RASSF8: variants seen among roughly 807,000 people sequenced by gnomAD.
RASSF8 encodes ras association domain-containing protein 8.
RASSF8 carries 22 observed loss-of-function variants against 48.5 expected under a neutral mutation model. That is an observed-to-expected ratio of 0.45 (90% confidence interval 0.32 to 0.65). The LOEUF is 0.65. Among genes scored for constraint, RASSF8 ranks in the 30% least tolerant of loss-of-function variants. RASSF8 has a pLI of 0.03. For synonymous variants in RASSF8, 127 were observed against 171.5 expected (o/e 0.74, Z 2.03); for missense variants, 418 against 489.2 (o/e 0.85, Z 1.37).
At chr12:26,054,937 A>G (rs184378378) in intron 2 of RASSF8, among the ~76,000 whole-genome samples, 19 of 152,314 alleles carry the variant, frequency 1.2e-4, no homozygotes, top group Admixed American at 1.2e-3. Context: ...AAAAAGAAAA[A>G]AAACAGGACA....
At chr12:25,984,322 T>C (rs1163596318) in intron 1 of RASSF8, among the ~76,000 whole-genome samples, 1 of 145,080 alleles carries the variant, frequency 6.9e-6, no homozygotes, top group African/African-American at 2.5e-5. Context: ...CAAGCCATCC[T>C]CCTGCTTCAG....
intron 1 of RASSF8, among the ~76,000 whole-genome samples, chr12:25,972,673 CAG>C (rs1369698884): frequency 1.3e-5 from 2 of 152,076 alleles, no homozygotes; most frequent in African/African-American, 4.8e-5. Flanking sequence ...TTTTTAAAAA[CAG>C]TAATACCAAA....
intron 3 of RASSF8, among the ~76,000 whole-genome samples, chr12:26,058,523 T>A (rs921771149): frequency 1.6e-4 from 17 of 105,688 alleles, no homozygotes; most frequent in Non-Finnish European, 2.5e-4. Context: ...ACTACACACA[T>A]GCGCACGCGC....
Position 26,055,439 on chromosome 12 carries a change from A to G in RASSF8, c.96A>G (p.Gln32=). 1 of 1,612,930 alleles carries G rather than the reference A, an allele frequency of 6.2e-7. No individual in the cohort carries two copies. The highest frequency in any genetic ancestry group is 8.5e-7 in the Non-Finnish European group (1 of 1,178,872). The part of the protein sequence containing the change: ...TCQEVVIALA[Q]AIGRTGRYTL... ...AGGAGGTTGTCATAGCCTTAGCTCA[A>G]GCAATAGGTGAGTGAACTCTGTGGG... The change falls in exon 3 of 6, where the codon CAA becomes CAG. Residue 32 remains glutamine, a synonymous_variant. Coordinates refer to ENST00000689635, the MANE Select transcript of RASSF8 (RefSeq NM_001394098.1).
At chr12:25,973,776 G>A (rs1276413500) in intron 1 of RASSF8, 2 of 152,182 alleles carry the variant, frequency 1.3e-5, no homozygotes, top group Non-Finnish European at 2.9e-5. Context: ...CAGCAAGAAG[G>A]TGCCATCCGT....
intron 1 of RASSF8, among the ~76,000 whole-genome samples, chr12:25,964,777 G>A (rs985500754): frequency 1.3e-5 from 2 of 152,140 alleles, no homozygotes; most frequent in Non-Finnish European, 2.9e-5. Flanking sequence ...GTGAGAAATA[G>A]GGATGTTTTG....
chr12:26,077,077 CTGCT>C (rs1944079281), downstream of RASSF8, among the ~76,000 whole-genome samples: 1 of 152,156 alleles, frequency 6.6e-6, no homozygotes, highest in Non-Finnish European at 1.5e-5. Context: ...TGAGAAGTGT[CTGCT>C]CATATCCTTT....
intron 1 of RASSF8, among the ~76,000 whole-genome samples, chr12:25,967,450 C>T (rs1941385994): frequency 1.3e-5 from 2 of 152,106 alleles, no homozygotes. Context: ...AGATCATTCA[C>T]TTAATTTTAA....
At chr12:25,996,680 AAG>A (rs1443801335) in intron 2 of RASSF8, among the ~76,000 whole-genome samples, 13 of 152,204 alleles carry the variant, frequency 8.5e-5, no homozygotes. Flanking sequence ...TTACAGTACA[AAG>A]AGACGCCTTT....
intron 1 of RASSF8, among the ~76,000 whole-genome samples, chr12:25,984,224 CTTTTT>C (rs57275940): frequency 2.3e-5 from 2 of 86,734 alleles, no homozygotes; most frequent in African/African-American, 9.0e-5. Flanking sequence ...CTACACGTAG[CTTTTT>C]TTTTTTTTTT....
intron 2 of RASSF8, among the ~76,000 whole-genome samples, chr12:26,002,125 A>G (rs1406802076): frequency 1.3e-5 from 2 of 152,252 alleles, no homozygotes; most frequent in Non-Finnish European, 2.9e-5. Context: ...CATAGTATAT[A>G]ATTACAATAT....
In RASSF8 at chr12:26,069,088, T is replaced by C; in HGVS notation, c.*270T>C. The C allele has an allele frequency of 6.2e-6, 7 of 1,125,176 alleles. No homozygotes were observed. The highest frequency in any genetic ancestry group is 7.6e-6 in the Non-Finnish European group (7 of 915,204). The allele number at this position is 1,125,176 out of a possible 1,614,324, so 69.7% of individuals were successfully genotyped here. ...TTTATTTGTAGCATTTTGAGAGCTT[T>C]AGGAAAGTATTATATAGTGTGTATA... is the stretch of plus-strand genomic sequence containing the variant. On this transcript the variant is annotated 3_prime_UTR_variant, in exon 6 of 6. Transcript: ENST00000689635.
intron 1 of RASSF8, among the ~76,000 whole-genome samples, chr12:25,985,435 T>G (rs961103194): frequency 6.6e-6 from 1 of 152,182 alleles, no homozygotes; most frequent in African/African-American, 2.4e-5. Flanking sequence ...TTTAGTTTGG[T>G]GCCTTTCAGA....
In RASSF8 at chr12:26,071,001, A is replaced by G. The variant is rs549761264; in HGVS notation, c.*2183A>G. 1.6e-5 allele frequency: 16 copies of G among 985,212 alleles called. 1 individual carries two copies. In the East Asian group the frequency reaches 1.6e-3, roughly 98 times the overall value. The allele number at this position is 985,212 out of a possible 1,614,324, so 61.0% of individuals were successfully genotyped here. On this transcript the variant is annotated 3_prime_UTR_variant, in exon 6 of 6. Coordinates refer to ENST00000689635, the MANE Select transcript of RASSF8 (RefSeq NM_001394098.1). Reference sequence around the variant, plus strand: ...AGTATCACAGTTAACCTCTCTGACAACTTCATCAGAATTTCCAAGCTGCCA... The same window carrying G: ...AGTATCACAGTTAACCTCTCTGACAGCTTCATCAGAATTTCCAAGCTGCCA...
intron 1 of RASSF8, among the ~76,000 whole-genome samples, chr12:25,981,445 TG>T (rs1026497138): frequency 1.3e-5 from 2 of 152,128 alleles, no homozygotes. Flanking sequence ...GTTGTGCAGT[TG>T]GGGGTTCTGA....
At chr12:26,045,214 A>T (rs938231562) in intron 2 of RASSF8, among the ~76,000 whole-genome samples, 2 of 152,150 alleles carry the variant, frequency 1.3e-5, no homozygotes, top group African/African-American at 4.8e-5. Context: ...ACTCATAGGG[A>T]TCATGCATGA....
At chr12:26,026,042 CTT>C (rs1942905766) in intron 2 of RASSF8, among the ~76,000 whole-genome samples, 5 of 152,226 alleles carry the variant, frequency 3.3e-5, no homozygotes, top group African/African-American at 1.2e-4. Context: ...TAGACGTAAA[CTT>C]AGGCATAAAT....
chr12:26,033,636 G>T (rs1457783489), intron 2 of RASSF8, among the ~76,000 whole-genome samples: 12 of 151,926 alleles, frequency 7.9e-5, no homozygotes. Context: ...AAGATGAATA[G>T]TATCCATCTT....
At chr12:25,988,378 G>A (rs900303109) in intron 1 of RASSF8, among the ~76,000 whole-genome samples, 17 of 151,988 alleles carry the variant, frequency 1.1e-4, no homozygotes, top group Admixed American at 9.8e-4. Context: ...TCCTATTATT[G>A]AACAGATGGT....
Sources: gnomAD v4.1 joint callset for allele counts (sites outside exome capture counted in the v4.1 genomes callset) on GRCh38, gnomAD v4.1.1 for gene constraint, MANE v1.5 for transcripts, NCBI Gene and HGNC (gene_info 2026-07-23, HGNC 2026-07-21) for gene names.